JAG2: variants seen among roughly 807,000 people sequenced by gnomAD.
JAG2 encodes the protein protein jagged-2.
Under a neutral mutation model 141.7 loss-of-function variants are expected in JAG2, and 46 were observed. The observed-to-expected ratio is 0.32, with a 90% CI of 0.26 to 0.42. JAG2 has a LOEUF of 0.42. JAG2 is among the 10% of genes least tolerant of loss of function. JAG2 has a pLI of 1.00. For missense variants in JAG2, 1,500 were observed against 1,817.5 expected (o/e 0.83, Z 3.18); for synonymous variants, 862 against 763.5 (o/e 1.13, Z -2.13).
Position 105,167,344 on chromosome 14 carries a change from G to A in JAG2, c.417+413C>T, listed in dbSNP as rs1398981558. Among the ~76,000 whole-genome samples the A allele has an allele frequency of 6.6e-6, 1 of 152,060 alleles. No individual in the cohort carries two copies. Among genetic ancestry groups the A allele is most frequent in the Non-Finnish European group, 1.5e-5 (1 of 67,992 alleles). The stretch of plus-strand genomic sequence containing the variant: ...GGAAACTGCAGGGCAGGCGCAGGCT[G>A]GCCACGGGCCCGGGGCGGCTCAGTC... On this transcript the variant is annotated intron_variant, in intron 2 of 25. Coordinates refer to ENST00000331782, the MANE Select transcript of JAG2 (RefSeq NM_002226.5). The surrounding 1 kb of genome is among the most constrained non-coding windows in gnomAD (Gnocchi z 4.8).
At chr14:105,147,469 C>A in intron 19 of JAG2, 31 bp downstream of exon 19, 1 of 1,609,308 alleles carries the variant, frequency 6.2e-7, no homozygotes, top group Non-Finnish European at 8.5e-7. Context: ...GTCCCACCCA[C>A]CCCTGCTGTG....
intron 20 of JAG2, 180 bp from the exon 21 acceptor site, chr14:105,146,904 C>A: frequency 1.5e-6 from 1 of 678,220 alleles, no homozygotes; most frequent in South Asian, 1.6e-5. Context: ...CCCAGCCTGA[C>A]CCTGGCCCAA....
intron 5 of JAG2, 42 bp from the exon 6 acceptor site, chr14:105,152,333 T>TGAAAGGGTGGCAGGGGA (rs780009308): frequency 6.9e-6 from 11 of 1,600,478 alleles, no homozygotes; most frequent in Middle Eastern, 1.7e-4. Context: ...TGAGCTGTGG[T>TGAAAGGGTGGCAGGGGA]GCCTGAAAGG....
chr14:105,145,078 A>G lies in JAG2; in HGVS notation c.2953-17T>C. On this transcript the variant is annotated splice_polypyrimidine_tract_variant and intron_variant, in intron 23 of 25. Coordinates refer to ENST00000331782, the MANE Select transcript of JAG2 (RefSeq NM_002226.5). ...CGTGGTGCCCTGGGCAGAGACAGGC[A>G]GTGCGTGGGCAGGGCAGGGCCGTGA... The G allele has an allele frequency of 6.2e-7, 1 of 1,609,188 alleles. No homozygotes were observed. Among genetic ancestry groups the G allele is most frequent in the Non-Finnish European group, 8.5e-7 (1 of 1,179,710 alleles).
intron 2 of JAG2, among the ~76,000 whole-genome samples, chr14:105,164,559 G>A (rs1358670187): frequency 6.6e-6 from 1 of 152,230 alleles, no homozygotes; most frequent in East Asian, 1.9e-4. Context: ...GAAAAAACAG[G>A]AAGCAGAGTG....
Position 105,148,925 on chromosome 14 carries a change from G to A in JAG2, c.1906+12C>T, listed in dbSNP as rs371745064. ...CAGCCCCACCACCAGCCCGCCGTTC[G>A]TGGCCACTCACTCTCATGGCAGTAG... On this transcript the variant is annotated intron_variant, in intron 14 of 25. Coordinates refer to ENST00000331782, the MANE Select transcript of JAG2 (RefSeq NM_002226.5). 11 of 1,602,598 alleles carry A rather than the reference G, an allele frequency of 6.9e-6. No individual in the cohort carries two copies. Among genetic ancestry groups the A allele is most frequent in the African/African-American group, 6.7e-5 (5 of 74,748 alleles).
At position 105,167,611 on chromosome 14, in the gene JAG2, AC is replaced by A. The variant is rs1888958634; in HGVS notation, c.417+145del. 1.1e-6 allele frequency: 1 copy of A among 937,686 alleles called. No homozygotes were observed. The highest frequency in any genetic ancestry group is 1.3e-6 in the Non-Finnish European group (1 of 751,172). 58.1% of individuals were successfully genotyped at this position (937,686 alleles called of 1,614,324 possible). On this transcript the variant is annotated intron_variant, in intron 2 of 25. Transcript: ENST00000331782. The surrounding 1 kb of genome is among the most constrained non-coding windows in gnomAD (Gnocchi z 4.8). Reference sequence around the variant, plus strand: ...CAGGCGCGGACCAAGTCCCCAGAGCACGCGCCCCCTGCCGGCCCCGCCCCGC... The same window carrying A: ...CAGGCGCGGACCAAGTCCCCAGAGCAGCGCCCCCTGCCGGCCCCGCCCCGC...
At chr14:105,168,141 C>CGCGGGCCGGGGTCG in intron 1 of JAG2, 34 bp from the exon 2 acceptor site, 1 of 1,465,114 alleles carries the variant, frequency 6.8e-7, no homozygotes, top group Non-Finnish European at 9.0e-7. Flanking sequence ...CGGAGGGAGG[C>CGCGGGCCGGGGTCG]GCGGGCCGGG....
intron 2 of JAG2, among the ~76,000 whole-genome samples, chr14:105,159,385 C>G (rs1326421594): frequency 6.6e-6 from 1 of 151,960 alleles, no homozygotes; most frequent in African/African-American, 2.4e-5. Flanking sequence ...TCAATCCCAC[C>G]TCTTAAGCTC....
rs752235564 is a variant in JAG2 at position 105,148,245 on chromosome 14, C to T, written c.2135-16G>A. The T allele has an allele frequency of 6.4e-7, 1 of 1,566,598 alleles. No individual in the cohort carries two copies. The highest frequency in any genetic ancestry group is 2.4e-5 in the East Asian group (1 of 41,818). Reference sequence around the variant, plus strand: ...TGGAACTCGCCTGTTGGCACATGGGCCGCTCAGCAGGCAGGCCCCAGACCG... The same window carrying T: ...TGGAACTCGCCTGTTGGCACATGGGTCGCTCAGCAGGCAGGCCCCAGACCG... On this transcript the variant is annotated splice_polypyrimidine_tract_variant and intron_variant, in intron 16 of 25. Coordinates refer to ENST00000331782, the MANE Select transcript of JAG2 (RefSeq NM_002226.5).
Position 105,145,841 on chromosome 14 carries a change from C to T in JAG2, c.2842G>A (p.Glu948Lys). The T allele has an allele frequency of 4.5e-6, 7 of 1,561,454 alleles. No homozygotes were observed. Among genetic ancestry groups the T allele is most frequent in the East Asian group, 2.4e-5 (1 of 41,504 alleles). ...CLRPPCEAWG[E>K]CGAEEPPSTP... ...CTCGGTGGCTCTTCTGCGCCGCACT[C>T]CCCCCAGGCCTCACAGGGTGGTCGC... Residue 948 changes from glutamate to lysine, a missense_variant, in exon 23 of 26, where the codon GAG becomes AAG. By Grantham distance (56) the Glu-to-Lys change is moderately conservative. Transcript: ENST00000331782.
chr14:105,142,857 G>A lies in JAG2; in HGVS notation c.3555C>T (p.Arg1185=), dbSNP rs960252541. The A allele has an allele frequency of 9.3e-6, 15 of 1,608,132 alleles. No individual in the cohort carries two copies. Among genetic ancestry groups the A allele is most frequent in the Middle Eastern group, 3.3e-4 (2 of 6,080 alleles). The change falls in exon 26 of 26, where the codon CGC becomes CGT. Residue 1185 remains arginine, a synonymous_variant. Coordinates refer to ENST00000331782, the MANE Select transcript of JAG2 (RefSeq NM_002226.5). ...REDEEDEDLG[R]GEEDSLEAEK... is the part of the protein sequence containing the mutation. ...CCGCCTCCAGGGAGTCCTCCTCACC[G>A]CGGCCCAGATCCTCGTCCTCCTCAT...
At chr14:105,146,059 C>T (rs1052493043) in intron 22 of JAG2, 86 bp from the exon 23 acceptor site, 41 of 1,536,346 alleles carry the variant, frequency 2.7e-5, no homozygotes, top group South Asian at 1.7e-4. Flanking sequence ...CAGGCAGGCA[C>T]GGGCCCCATG....
At chr14:105,165,047 C>T (rs1017669343) in intron 2 of JAG2, among the ~76,000 whole-genome samples, 3 of 152,216 alleles carry the variant, frequency 2.0e-5, no homozygotes, top group African/African-American at 4.8e-5. Context: ...GAGCCCAGCA[C>T]ACACATGCCA....
rs1888531049 is a variant in JAG2 at position 105,154,763 on chromosome 14, G to T, written c.788+799C>A. ...CACGAGCTTTCTGGGTGTCTCCAGG[G>T]ACAGGGCAGGCATCGCCTCTCCACA... On this transcript the variant is annotated intron_variant, in intron 5 of 25. Coordinates refer to ENST00000331782, the MANE Select transcript of JAG2 (RefSeq NM_002226.5). The surrounding 1 kb of genome is among the most constrained non-coding windows in gnomAD (Gnocchi z 4.4). Among the ~76,000 whole-genome samples the T allele has an allele frequency of 6.6e-6, 1 of 151,940 alleles. No homozygotes were observed. Among genetic ancestry groups the T allele is most frequent in the Admixed American group, 6.5e-5 (1 of 15,278 alleles).
At chr14:105,147,565 A>AC (rs1267353079) in intron 18 of JAG2, 38 bp from the exon 19 acceptor site, 12 of 1,598,714 alleles carry the variant, frequency 7.5e-6, no homozygotes, top group Non-Finnish European at 1.0e-5. Context: ...ATCAGTACCC[A>AC]CCCCCCAAGC....
rs963780594 is a variant in JAG2, at chr14:105,155,985, C to T, written c.480G>A (p.Glu160=). 3.1e-6 allele frequency: 5 copies of T among 1,604,102 alleles called. No homozygotes were observed. The African/African-American group carries it at 4.0e-5, about 13-fold the overall frequency. The change falls in exon 4 of 26, where the codon GAG becomes GAA. Residue 160 remains glutamate, a synonymous_variant. Transcript: ENST00000331782. ...DWDNDTTPNE[E]LLIERVSHAG... is the part of the protein sequence containing the mutation. ...CATGCGACACTCGCTCGATCAGCAG[C>T]TCCTCTTGGGGAGGCGGCAGAGTCA... is the stretch of plus-strand genomic sequence containing the variant.
At chr14:105,147,176 G>T in intron 20 of JAG2, 150 bp downstream of exon 20, 1 of 701,858 alleles carries the variant, frequency 1.4e-6, no homozygotes, top group Non-Finnish European at 2.5e-6. Flanking sequence ...ACAGGGCACA[G>T]ACATGTGGGG....
rs756292319 is a variant in JAG2, at chr14:105,149,207, G to A, written c.1716C>T (p.Ser572=). 27 of 1,475,566 alleles carry A rather than the reference G, an allele frequency of 1.8e-5. No individual in the cohort carries two copies. Among genetic ancestry groups the A allele is most frequent in the Middle Eastern group, 1.9e-4 (1 of 5,310 alleles). The allele number at this position is 1,475,566 out of a possible 1,614,324, so 91.4% of individuals were successfully genotyped here. A position where few individuals can be genotyped will look rare whatever the true frequency, so the allele number is the denominator to read the frequency against. Residue 572 remains serine (S), a synonymous_variant, in exon 13 of 26, where the codon TCC becomes TCT. Coordinates refer to ENST00000331782, the MANE Select transcript of JAG2 (RefSeq NM_002226.5). ...CPDDFGGKNC[S]VPREPCPGGA... is the part of the protein sequence containing the mutation. ...CGCCAGGGCACGGCTCGCGGGGCAC[G>A]GAGCAGTTCTTGCCACCAAAGTCAT...
Sources: allele counts gnomAD v4.1 joint callset (sites outside exome capture counted in the v4.1 genomes callset), GRCh38; gene constraint gnomAD v4.1.1; non-coding constraint Gnocchi (gnomAD v3.1); transcripts MANE v1.5; gene names NCBI Gene and HGNC (gene_info 2026-07-23, HGNC 2026-07-21).